The following POTEC variants were observed in gnomAD, a reference collection of about 807,000 sequenced individuals.
POTEC encodes ANKRD26-like family B member 2.
In POTEC, 35 loss-of-function variants were observed where a neutral mutation model predicts 62.0. That is an observed-to-expected ratio of 0.56 (90% CI 0.43 to 0.75). The LOEUF (loss-of-function observed/expected upper bound fraction) is 0.75, where lower values mean the gene tolerates loss of function less well. Ranked by LOEUF, POTEC falls within the 30% of genes least tolerant of loss-of-function variation. The pLI is 0.00. For missense variants in POTEC, 472 were observed against 655.9 expected (o/e 0.72, Z 3.06); for synonymous variants, 156 against 221.5 (o/e 0.70, Z 2.62).
chr18:14,507,895 A>G lies in POTEC; in HGVS notation c.*4003T>C, dbSNP rs1909888608. Reference sequence around the variant, plus strand: ...GAAATTTCTTTTCTTTGAAATGTTGAATGTCTTTTCTGGCTTGTACAGTTT... The same window carrying G: ...GAAATTTCTTTTCTTTGAAATGTTGGATGTCTTTTCTGGCTTGTACAGTTT... On this transcript the variant is annotated 3_prime_UTR_variant, in exon 11 of 11. Transcript: ENST00000358970. 6.6e-6 allele frequency: 1 copy of G among 152,162 alleles called. No individual in the cohort carries two copies. The highest frequency in any genetic ancestry group is 2.4e-5 in the African/African-American group (1 of 41,432). The allele number at this position is 152,162 out of a possible 1,614,324, so 9.4% of individuals were successfully genotyped here.
intron 9 of POTEC, among the ~76,000 whole-genome samples, chr18:14,514,853 A>C (rs1376683913): frequency 6.9e-6 from 1 of 145,936 alleles, no homozygotes; most frequent in African/African-American, 2.4e-5. Context: ...AATTTAGTAA[A>C]GTCTCAGAGG....
chr18:14,507,511 A>G lies in POTEC; in HGVS notation c.*4387T>C, dbSNP rs1454556338. 2 of 151,690 alleles carry G rather than the reference A, an allele frequency of 1.3e-5. No homozygotes were observed. The highest frequency in any genetic ancestry group is 2.0e-4 in the East Asian group (1 of 5,120). The allele number at this position is 151,690 out of a possible 1,614,324, so 9.4% of individuals were successfully genotyped here. On this transcript the variant is annotated 3_prime_UTR_variant, in exon 11 of 11. Coordinates refer to ENST00000358970, the MANE Select transcript of POTEC (RefSeq NM_001137671.2). ...GGTTTCTTGAAGACGGCATACTCCA[A>G]TGGGTCTTGGTTCTTTATCCAGCTT...
chr18:14,522,664 G>A (rs1040903948), intron 8 of POTEC, among the ~76,000 whole-genome samples: 1 of 152,028 alleles, frequency 6.6e-6, no homozygotes, highest in Non-Finnish European at 1.5e-5. Context: ...GAATAAAACA[G>A]AATTTTCCAA....
chr18:14,537,761 G>A, intron 3 of POTEC, 40 bp downstream of exon 3: 6 of 1,605,108 alleles, frequency 3.7e-6, no homozygotes, highest in Non-Finnish European at 5.1e-6. Context: ...TAACACGAAT[G>A]CATTTCAGTA....
intron 1 of POTEC, among the ~76,000 whole-genome samples, chr18:14,538,762 C>A (rs987635009): frequency 5.9e-5 from 9 of 152,196 alleles, no homozygotes; most frequent in African/African-American, 2.2e-4. Context: ...TTAAAGATTA[C>A]AGGTAGCGCT....
intron 9 of POTEC, among the ~76,000 whole-genome samples, chr18:14,517,399 C>T (rs1244761627): frequency 6.6e-6 from 1 of 152,180 alleles, no homozygotes; most frequent in Non-Finnish European, 1.5e-5. Flanking sequence ...AGCCACGCAG[C>T]AGTACCTGCT....
intron 1 of POTEC, among the ~76,000 whole-genome samples, chr18:14,540,919 C>A (rs1276503327): frequency 6.6e-6 from 1 of 151,662 alleles, no homozygotes; most frequent in Non-Finnish European, 1.5e-5. Flanking sequence ...GAGATGGAGT[C>A]TCACTCCATC....
chr18:14,521,835 C>CA (rs1346447621), intron 9 of POTEC, among the ~76,000 whole-genome samples: 7 of 152,114 alleles, frequency 4.6e-5, no homozygotes, highest in Non-Finnish European at 7.4e-5. Context: ...AGGAGAATAA[C>CA]AGACACCAGG....
intron 6 of POTEC, chr18:14,527,933 G>C (rs7229742): frequency 6.6e-6 from 1 of 152,212 alleles, no homozygotes; most frequent in Non-Finnish European, 1.5e-5. Context: ...AGCTTCCTTT[G>C]TCTCCTGGTT....
rs1910003065 is a variant in POTEC, at chr18:14,511,380, C to T, written c.*518G>A. 3.3e-6 allele frequency: 1 copy of T among 301,384 alleles called. No homozygotes were observed. The highest frequency in any genetic ancestry group is 9.8e-5 in the East Asian group (1 of 10,218). The allele number at this position is 301,384 out of a possible 1,614,324, so 18.7% of individuals were successfully genotyped here. On this transcript the variant is annotated 3_prime_UTR_variant, in exon 11 of 11. Coordinates refer to ENST00000358970, the MANE Select transcript of POTEC (RefSeq NM_001137671.2). ...GTTTGTACTCTCCAAAGCCCGCACG[C>T]TGGAATCGCTAAGTTGCCCAAACAG... is the stretch of plus-strand genomic sequence containing the variant.
chr18:14,530,376 C>G, intron 6 of POTEC, 107 bp downstream of exon 6: 1 of 1,543,500 alleles, frequency 6.5e-7, no homozygotes, highest in Non-Finnish European at 8.8e-7. Flanking sequence ...GAAACCATCC[C>G]CACCTTCCCC....
At chr18:14,536,477 C>T (rs1905717424) in intron 3 of POTEC, among the ~76,000 whole-genome samples, 1 of 151,934 alleles carries the variant, frequency 6.6e-6, no homozygotes, top group Non-Finnish European at 1.5e-5. Context: ...AAGCAATCCT[C>T]CCACCTCAGC....
chr18:14,523,356 A>C (rs1598478638), intron 8 of POTEC, 107 bp downstream of exon 8: 1 of 1,251,072 alleles, frequency 8.0e-7, no homozygotes, highest in East Asian at 3.3e-5. Context: ...CTGGTGATTT[A>C]TGCTACTTAC....
At chr18:14,516,662 C>CT (rs1910169033) in intron 9 of POTEC, among the ~76,000 whole-genome samples, 1 of 41,258 alleles carries the variant, frequency 2.4e-5, no homozygotes, top group Non-Finnish European at 8.9e-5. Context: ...AGCCAAACTA[C>CT]TGGGGGGGGG....
In POTEC at chr18:14,543,189, C is replaced by T. The variant is rs765684203; in HGVS notation, c.-43G>A. 3.7e-6 allele frequency: 6 copies of T among 1,611,972 alleles called. No homozygotes were observed. Among genetic ancestry groups the T allele is most frequent in the South Asian group, 3.3e-5 (3 of 90,892 alleles). ...GGGAGGCCGGTAGTAGCGAACAGAT[C>T]GCGTCTACCAACCAGTTTCACCAAC... On this transcript the variant is annotated 5_prime_UTR_variant, in exon 1 of 11. Coordinates refer to ENST00000358970, the MANE Select transcript of POTEC (RefSeq NM_001137671.2).
chr18:14,543,195 TACCAACCAGTTTC>T lies in POTEC; in HGVS notation c.-62_-50del. ...CCGGTAGTAGCGAACAGATCGCGTC[TACCAACCAGTTTC>T]ACCAACTAGCAGGAAACCCTGGGTT... On this transcript the variant is annotated 5_prime_UTR_variant, in exon 1 of 11. Coordinates refer to ENST00000358970, the MANE Select transcript of POTEC (RefSeq NM_001137671.2). 6.2e-7 allele frequency: 1 copy of T among 1,610,060 alleles called. No individual in the cohort carries two copies. The highest frequency in any genetic ancestry group is 8.5e-7 in the Non-Finnish European group (1 of 1,177,588).
At chr18:14,531,545 G>A (rs1415833700) in intron 5 of POTEC, 1 of 151,950 alleles carries the variant, frequency 6.6e-6, no homozygotes, top group Non-Finnish European at 1.5e-5. Flanking sequence ...TCATCTCACA[G>A]ACCATCTTCC....
chr18:14,510,918 T>A lies in POTEC; in HGVS notation c.*980A>T. On this transcript the variant is annotated 3_prime_UTR_variant, in exon 11 of 11. Coordinates refer to ENST00000358970, the MANE Select transcript of POTEC (RefSeq NM_001137671.2). ...CCTGGGAGCTCTGACTCAGGAGGCC[T>A]GAAACCTCTGTGAGCCAGAGAACAG... 6.6e-6 allele frequency: 1 copy of A among 152,242 alleles called. No individual in the cohort carries two copies. 9.4% of individuals were successfully genotyped at this position (152,242 alleles called of 1,614,324 possible).
chr18:14,514,248 G>A (rs1910089249), intron 9 of POTEC, among the ~76,000 whole-genome samples: 1 of 151,736 alleles, frequency 6.6e-6, no homozygotes, highest in African/African-American at 2.4e-5. Flanking sequence ...CTTGCAATAG[G>A]GTTCAAGTCA....
Sources: gnomAD v4.1 joint callset for allele counts (sites outside exome capture counted in the v4.1 genomes callset) on GRCh38, gnomAD v4.1.1 for gene constraint, MANE v1.5 for transcripts, NCBI Gene and HGNC (gene_info 2026-07-23, HGNC 2026-07-21) for gene names.